LEPR: variants seen among roughly 807,000 people sequenced by gnomAD.
LEPR encodes OB receptor.
Under a neutral mutation model 114.7 loss-of-function variants are expected in LEPR, and 56 were observed. That is an observed-to-expected ratio of 0.49 (90% CI 0.39 to 0.61). The LOEUF (loss-of-function observed/expected upper bound fraction) is 0.61. Among genes scored for constraint, LEPR ranks in the 20% least tolerant of loss-of-function variants. The probability of loss-of-function intolerance (pLI) is 0.00; values close to 1 mark genes in which losing one functional copy is unlikely to be tolerated. For synonymous variants in LEPR, 443 were observed against 461.4 expected, an observed-to-expected ratio of 0.96 and a Z score of 0.51; for missense variants, 1,202 against 1,352.9, an observed-to-expected ratio of 0.89 and a Z score of 1.75.
rs116793520 is a variant in LEPR at position 65,497,408 on chromosome 1, A to G, written c.-20-68138A>G. 2.4e-3 allele frequency among the ~76,000 whole-genome samples: 373 copies of G among 152,308 alleles called. 3 individuals are homozygous for G. The highest frequency in any genetic ancestry group is 8.4e-3 in the African/African-American group (351 of 41,568). On this transcript the variant is annotated intron_variant, in intron 2 of 19. Coordinates refer to ENST00000349533, the MANE Select transcript of LEPR (RefSeq NM_002303.6). ...GACAGCTGTTCAGATAATCGAAGGC[A>G]GAATCCAAGTTTTTACTTGGCTGGA...
chr1:65,522,479 A>G (rs1536467), intron 2 of LEPR, among the ~76,000 whole-genome samples: 6,289 of 152,254 alleles, frequency 0.041, 199 homozygotes, highest in Middle Eastern at 0.11. Flanking sequence ...AGTTATTAAG[A>G]TATAGGTTGA....
chr1:65,437,318 A>G (rs773621315), intron 2 of LEPR, among the ~76,000 whole-genome samples: 2 of 152,052 alleles, frequency 1.3e-5, no homozygotes, highest in Non-Finnish European at 2.9e-5. Flanking sequence ...CCCTGGGCTC[A>G]AGCTATCCTC....
intron 1 of LEPR, among the ~76,000 whole-genome samples, chr1:65,422,833 GAAC>G (rs1368562853): frequency 6.6e-6 from 1 of 152,226 alleles, no homozygotes; most frequent in Non-Finnish European, 1.5e-5. Flanking sequence ...CTCCGTGCCA[GAAC>G]AACTTGTAGG....
chr1:65,420,965 G>C (rs1045465075), intron 1 of LEPR, among the ~76,000 whole-genome samples: 14 of 152,166 alleles, frequency 9.2e-5, no homozygotes, highest in African/African-American at 3.4e-4. Context: ...TGGCCTTCCT[G>C]CTCTCCAGTG....
intron 3 of LEPR, among the ~76,000 whole-genome samples, chr1:65,569,357 G>A (rs1343489929): frequency 6.6e-6 from 1 of 151,924 alleles, no homozygotes; most frequent in Non-Finnish European, 1.5e-5. Flanking sequence ...GCATCATTTG[G>A]GTAACTTACT....
At chr1:65,627,847 G>A (rs1435283793) in intron 19 of LEPR, among the ~76,000 whole-genome samples, 1 of 152,036 alleles carries the variant, frequency 6.6e-6, no homozygotes, top group Non-Finnish European at 1.5e-5. Flanking sequence ...TCTATATCAA[G>A]TGTTTCCTTT....
intron 2 of LEPR, among the ~76,000 whole-genome samples, chr1:65,488,141 C>CTCCTTCCTTCCTTCCTTCCTTCCTTCCT (rs1263169006): frequency 1.0e-5 from 1 of 97,388 alleles, no homozygotes; most frequent in African/African-American, 6.2e-5. Context: ...CTCCCTCCCT[C>CTCCTTCCTTCCTTCCTTCCTTCCTTCCT]TCCTTCCTTC....
intron 9 of LEPR, 49 bp from the exon 10 acceptor site, chr1:65,601,794 T>A (rs771140624): frequency 1.3e-6 from 2 of 1,580,342 alleles, no homozygotes; most frequent in Non-Finnish European, 1.7e-6. Flanking sequence ...TTTCATTGAA[T>A]TTTTTGGAGT....
At chr1:65,634,409 CAT>C in intron 19 of LEPR, 1 of 971,170 alleles carries the variant, frequency 1.0e-6, no homozygotes, top group Non-Finnish European at 1.2e-6. Context: ...CCACTCAACA[CAT>C]ATTTAATATG....
chr1:65,518,859 C>CTT (rs147888777), intron 2 of LEPR, among the ~76,000 whole-genome samples: 12 of 141,956 alleles, frequency 8.5e-5, no homozygotes, highest in Admixed American at 4.9e-4. Context: ...TTTCTCTTTT[C>CTT]TTTCTTTCTT....
chr1:65,584,104 C>T (rs534064214), intron 5 of LEPR, among the ~76,000 whole-genome samples: 1 of 152,014 alleles, frequency 6.6e-6, no homozygotes, highest in Non-Finnish European at 1.5e-5. Flanking sequence ...AGGATGGACT[C>T]ATGGATTCTT....
intron 1 of LEPR, among the ~76,000 whole-genome samples, chr1:65,422,574 G>C (rs1646272043): frequency 6.6e-6 from 1 of 152,244 alleles, no homozygotes; most frequent in Admixed American, 6.5e-5. Context: ...AGAAAGGACT[G>C]TTTTCACAGA....
chr1:65,492,096 C>T (rs1002069669), intron 2 of LEPR, among the ~76,000 whole-genome samples: 2 of 151,808 alleles, frequency 1.3e-5, no homozygotes, highest in African/African-American at 4.8e-5. Flanking sequence ...GGGTATTTAC[C>T]GAGTTCAACC....
chr1:65,446,099 G>A (rs916748481), intron 2 of LEPR, among the ~76,000 whole-genome samples: 1 of 152,188 alleles, frequency 6.6e-6, no homozygotes, highest in Non-Finnish European at 1.5e-5. Flanking sequence ...ATACCAATGA[G>A]TCTTTTCACT....
At chr1:65,572,295 T>C (rs762423456) in intron 4 of LEPR, 31 bp from the exon 5 acceptor site, 1 of 1,360,562 alleles carries the variant, frequency 7.3e-7, no homozygotes. Context: ...TAGTTGTTTT[T>C]TTTTTTTTTT....
At chr1:65,565,411 A>C in intron 2 of LEPR, 135 bp from the exon 3 acceptor site, 1 of 780,012 alleles carries the variant, frequency 1.3e-6, no homozygotes, top group Non-Finnish European at 2.1e-6. Flanking sequence ...TATTTCTCAG[A>C]TATTGATCTA....
chr1:65,578,118 C>G (rs1654723498), intron 5 of LEPR: 2 of 150,126 alleles, frequency 1.3e-5, no homozygotes, highest in East Asian at 1.9e-4. Context: ...TTATCCATGT[C>G]CTTGCAAAGG....
chr1:65,504,600 C>A (rs1284685232), intron 2 of LEPR, among the ~76,000 whole-genome samples: 2 of 152,046 alleles, frequency 1.3e-5, no homozygotes, highest in Admixed American at 1.3e-4. Context: ...CTGTCAAGGC[C>A]ATCAAAAACA....
intron 2 of LEPR, among the ~76,000 whole-genome samples, chr1:65,522,323 T>A (rs1266664854): frequency 6.6e-6 from 1 of 152,210 alleles, no homozygotes; most frequent in Non-Finnish European, 1.5e-5. Context: ...ATCCCCCATT[T>A]TCCAGGTTTA....
Sources: gnomAD v4.1 joint callset for allele counts (sites outside exome capture counted in the v4.1 genomes callset) on GRCh38, gnomAD v4.1.1 for gene constraint, MANE v1.5 for transcripts, NCBI Gene and HGNC (gene_info 2026-07-23, HGNC 2026-07-21) for gene names.